Variants in UBE2R2 observed in about 807,000 individuals in gnomAD.
UBE2R2 encodes the protein ubiquitin-conjugating enzyme E2 R2.
A neutral mutation model predicts 27.8 loss-of-function variants in UBE2R2; 1 was observed. The observed-to-expected ratio is 0.04, with a 90% CI of 0.01 to 0.17. UBE2R2 has a LOEUF of 0.17. UBE2R2 is among the 10% of genes least tolerant of loss of function. The pLI is 1.00. For missense variants in UBE2R2, 100 were observed against 291.0 expected, an observed-to-expected ratio of 0.34 and a Z score of 4.78; for synonymous variants, 106 against 113.3, an observed-to-expected ratio of 0.94 and a Z score of 0.41.
At chr9:33,874,250 A>T (rs150020407) in intron 1 of UBE2R2, among the ~76,000 whole-genome samples, 1 of 152,058 alleles carries the variant, frequency 6.6e-6, no homozygotes, top group Non-Finnish European at 1.5e-5. Context: ...GCCCAGCCTT[A>T]ACTTAGTTTT....
chr9:33,859,654 CTTTGT>C (rs1159465374), intron 1 of UBE2R2, among the ~76,000 whole-genome samples: 1 of 151,466 alleles, frequency 6.6e-6, no homozygotes, highest in Non-Finnish European at 1.5e-5. Flanking sequence ...CTTTAAATTT[CTTTGT>C]TTTGTTTTTC....
At chr9:33,837,215 T>G (rs1820633272) in intron 1 of UBE2R2, among the ~76,000 whole-genome samples, 1 of 152,096 alleles carries the variant, frequency 6.6e-6, no homozygotes, top group South Asian at 2.1e-4. Context: ...CTTTTTCTCT[T>G]TTTTTTCCTT....
chr9:33,828,543 C>CA (rs1820369979), intron 1 of UBE2R2, among the ~76,000 whole-genome samples: 1 of 151,576 alleles, frequency 6.6e-6, no homozygotes, highest in African/African-American at 2.4e-5. Context: ...CATGTGCCAC[C>CA]ACCGGGCTAA....
chr9:33,877,117 T>G (rs1321914478), intron 1 of UBE2R2, among the ~76,000 whole-genome samples: 3 of 143,762 alleles, frequency 2.1e-5, no homozygotes, highest in Non-Finnish European at 3.1e-5. Context: ...AACTCCATCT[T>G]AAAAAAAAAA....
chr9:33,854,035 T>C (rs1395759501), intron 1 of UBE2R2, among the ~76,000 whole-genome samples: 1 of 152,132 alleles, frequency 6.6e-6, no homozygotes, highest in Non-Finnish European at 1.5e-5. Flanking sequence ...TTTAACTGTG[T>C]CCCACAAAAT....
At chr9:33,882,931 A>T (rs966732421) in intron 1 of UBE2R2, among the ~76,000 whole-genome samples, 1 of 152,128 alleles carries the variant, frequency 6.6e-6, no homozygotes, top group Non-Finnish European at 1.5e-5. Context: ...TCTACTAAAA[A>T]TACAAAAATT....
chr9:33,846,498 A>G (rs1263270673), intron 1 of UBE2R2, among the ~76,000 whole-genome samples: 1 of 152,148 alleles, frequency 6.6e-6, no homozygotes, highest in Non-Finnish European at 1.5e-5. Flanking sequence ...TTTCAAGTCC[A>G]CTTTTCTCTC....
chr9:33,920,130 C>T lies in UBE2R2; in HGVS notation c.*2893C>T, dbSNP rs1335094209. ...CTCTCCACTGGAAAGGAACTCTCCACCCCTCCCATCCTGATAAAACAAACA... is the reference window on the plus strand; with the variant it reads ...CTCTCCACTGGAAAGGAACTCTCCATCCCTCCCATCCTGATAAAACAAACA... On this transcript the variant is annotated 3_prime_UTR_variant, in exon 5 of 5. Transcript: ENST00000263228. The T allele has an allele frequency of 6.6e-6, 1 of 152,570 alleles. No homozygotes were observed. Among genetic ancestry groups the T allele is most frequent in the African/African-American group, 2.4e-5 (1 of 41,418 alleles). The allele number at this position is 152,570 out of a possible 1,614,324, so 9.5% of individuals were successfully genotyped here. A position where few individuals can be genotyped will look rare whatever the true frequency, so the allele number is the denominator to read the frequency against.
At chr9:33,857,341 T>C (rs1391303375) in intron 1 of UBE2R2, among the ~76,000 whole-genome samples, 3 of 150,942 alleles carry the variant, frequency 2.0e-5, no homozygotes, top group African/African-American at 7.3e-5. Flanking sequence ...TATTTTGAGA[T>C]GGAGTCTCAC....
At chr9:33,907,458 C>T (rs1822378310) in intron 3 of UBE2R2, among the ~76,000 whole-genome samples, 1 of 152,180 alleles carries the variant, frequency 6.6e-6, no homozygotes, top group South Asian at 2.1e-4. Flanking sequence ...TAATGAACCA[C>T]AGAGACTAAG....
At chr9:33,818,197 G>A (rs1825866011) in intron 1 of UBE2R2, among the ~76,000 whole-genome samples, 1 of 152,172 alleles carries the variant, frequency 6.6e-6, no homozygotes, top group African/African-American at 2.4e-5. Context: ...TTAGGGTAGT[G>A]TCTACGGGCG....
intron 1 of UBE2R2, among the ~76,000 whole-genome samples, chr9:33,872,148 C>T (rs1044803711): frequency 4.6e-5 from 7 of 151,282 alleles, no homozygotes; most frequent in African/African-American, 1.5e-4. Context: ...GCATGAGGCA[C>T]CATGGGAGAC....
chr9:33,916,995 T>A, intron 4 of UBE2R2, 23 bp from the exon 5 acceptor site: 1 of 1,613,632 alleles, frequency 6.2e-7, no homozygotes, highest in South Asian at 1.1e-5. Context: ...CCGTAAACCA[T>A]TTCTGTGTCA....
intron 1 of UBE2R2, among the ~76,000 whole-genome samples, chr9:33,840,415 C>T (rs1005711965): frequency 6.6e-6 from 1 of 152,074 alleles, no homozygotes; most frequent in Non-Finnish European, 1.5e-5. Context: ...TGCCTCTATC[C>T]CTTTTTTTTC....
At chr9:33,825,743 T>A (rs1820302704) in intron 1 of UBE2R2, among the ~76,000 whole-genome samples, 1 of 152,220 alleles carries the variant, frequency 6.6e-6, no homozygotes, top group Non-Finnish European at 1.5e-5. Flanking sequence ...AGTTTAGGAC[T>A]ACAGATTTCC....
intron 1 of UBE2R2, among the ~76,000 whole-genome samples, chr9:33,835,135 C>CTA (rs1179261968): frequency 7.2e-6 from 1 of 139,668 alleles, no homozygotes; most frequent in African/African-American, 2.7e-5. Context: ...ACATGCATGT[C>CTA]TAAGTGTAGG....
intron 3 of UBE2R2, among the ~76,000 whole-genome samples, chr9:33,907,489 T>TA (rs1317319128): frequency 6.6e-6 from 1 of 152,220 alleles, no homozygotes; most frequent in Non-Finnish European, 1.5e-5. Context: ...CCCTCATTCT[T>TA]ATCCCAAATT....
chr9:33,826,213 C>T (rs116042174), intron 1 of UBE2R2, among the ~76,000 whole-genome samples: 2,004 of 151,212 alleles, frequency 0.013, 50 homozygotes, highest in African/African-American at 0.046. Flanking sequence ...GTGTTAATAT[C>T]AACTTTATTC....
At chr9:33,865,720 A>G (rs1381545737) in intron 1 of UBE2R2, among the ~76,000 whole-genome samples, 7 of 152,104 alleles carry the variant, frequency 4.6e-5, no homozygotes, top group African/African-American at 1.7e-4. Context: ...CGGTTGAACC[A>G]TGTCATACAC....
Sources: gnomAD v4.1 joint callset for allele counts (sites outside exome capture counted in the v4.1 genomes callset) on GRCh38, gnomAD v4.1.1 for gene constraint, MANE v1.5 for transcripts, NCBI Gene and HGNC (gene_info 2026-07-23, HGNC 2026-07-21) for gene names.